Variants in CDKL5 observed in about 807,000 individuals in gnomAD.
CDKL5 encodes cyclin-dependent kinase-like 5.
In CDKL5, 8 loss-of-function variants were observed where a neutral mutation model predicts 61.7. That is an observed-to-expected ratio of 0.13 (90% CI 0.08 to 0.23). The LOEUF is 0.23. CDKL5 is among the 10% of genes least tolerant of loss of function. The pLI is 1.00. For missense variants in CDKL5, 440 were observed against 734.5 expected (o/e 0.60, Z 4.63); for synonymous variants, 275 against 272.3 (o/e 1.01, Z -0.10).
At position 18,629,055 on chromosome X, in the gene CDKL5, A is replaced by T. The variant is rs1056688065; in HGVS notation, c.*298A>T. The T allele has an allele frequency of 7.0e-6, 6 of 862,837 alleles. No homozygotes were observed. The Admixed American group carries it at 3.8e-4, about 54-fold the overall frequency. The allele number at this position is 862,837 out of a possible 1,213,427, so 71.1% of individuals were successfully genotyped here. A position where few individuals can be genotyped will look rare whatever the true frequency, so the allele number is the denominator to read the frequency against. ...AAATTCTTGCCAGTTTCTCCCCTTT[A>T]CATTCCAGCTTTAGTGCAATCTCTG... is the stretch of plus-strand genomic sequence containing the variant. On this transcript the variant is annotated 3_prime_UTR_variant, in exon 18 of 18. Coordinates refer to ENST00000623535, the MANE Select transcript of CDKL5 (RefSeq NM_001323289.2).
At position 18,650,493 on chromosome X, in the gene CDKL5, C is replaced by G. The variant is rs1064794669; in HGVS notation, c.2881C>G (p.Pro961Ala). The change falls in exon 21 of 22, where the codon CCT (proline) becomes GCT (alanine). Residue 961 changes from proline to alanine, a missense_variant. Transcript: ENST00000379989. ...AGCCCTTCATCGTCCAATCTCCAGT[C>G]CTGCTCCCTATCCAGTACTCCAGGT... The G allele has an allele frequency of 8.3e-7, 1 of 1,210,256 alleles. No individual in the cohort carries two copies. The highest frequency in any genetic ancestry group is 1.7e-5 in the African/African-American group (1 of 57,314).
chrX:18,648,116 C>T (rs752023192), intron 20 of CDKL5, among the ~76,000 whole-genome samples: 3 of 111,139 alleles, frequency 2.7e-5, no homozygotes, highest in South Asian at 3.9e-4. Flanking sequence ...GCAGGAGAAT[C>T]GCTTGAACCC....
At chrX:18,527,432 G>A (rs1346210766) in intron 3 of CDKL5, among the ~76,000 whole-genome samples, 2 of 111,647 alleles carry the variant, frequency 1.8e-5, no homozygotes, top group Non-Finnish European at 3.8e-5. Flanking sequence ...GGCCTATTCA[G>A]ATTATTATTT....
chrX:18,554,168 A>G (rs1393220314), intron 3 of CDKL5, among the ~76,000 whole-genome samples: 10 of 106,946 alleles, frequency 9.4e-5, no homozygotes, highest in African/African-American at 3.4e-4. Context: ...TGTACCCATT[A>G]ACTCGTCATT....
chrX:18,644,684 C>T (rs993922120), downstream of CDKL5: 14 of 1,132,553 alleles, frequency 1.2e-5, no homozygotes, highest in East Asian at 3.0e-5. Context: ...GCAAAAAGCC[C>T]GCAGGTGCTG....
rs985682007 is a variant in CDKL5 at position 18,630,747 on chromosome X, G to T, written c.*1990G>T. ...CTGGGTACTATTACTGAAAAAATTTGACTCAAACCAATAGTTTTGCATGCT... is the reference window on the plus strand; with the variant it reads ...CTGGGTACTATTACTGAAAAAATTTTACTCAAACCAATAGTTTTGCATGCT... On this transcript the variant is annotated 3_prime_UTR_variant, in exon 18 of 18. Coordinates refer to ENST00000623535, the MANE Select transcript of CDKL5 (RefSeq NM_001323289.2). The T allele has an allele frequency of 8.0e-6, 6 of 746,769 alleles. No homozygotes were observed. The African/African-American group carries it at 1.4e-4, about 18-fold the overall frequency. The allele number at this position is 746,769 out of a possible 1,213,427, so 61.5% of individuals were successfully genotyped here. A position where few individuals can be genotyped will look rare whatever the true frequency, so the allele number is the denominator to read the frequency against.
intron 15 of CDKL5, among the ~76,000 whole-genome samples, chrX:18,618,053 C>T (rs1202573319): frequency 8.9e-6 from 1 of 112,466 alleles, no homozygotes; most frequent in Admixed American, 9.4e-5. Flanking sequence ...ATCCTACTTC[C>T]TCCTAGGACT....
chrX:18,607,163 G>C (rs940468510), intron 12 of CDKL5, among the ~76,000 whole-genome samples: 1 of 111,456 alleles, frequency 9.0e-6, no homozygotes, highest in Non-Finnish European at 1.9e-5. Context: ...TTGCGGACAT[G>C]TTGAATTTGA....
chrX:18,647,366 A>C (rs373771930), intron 20 of CDKL5: 7 of 1,195,922 alleles, frequency 5.9e-6, no homozygotes, highest in Non-Finnish European at 7.9e-6. Context: ...ATTCACACAT[A>C]TCTCAATACT....
chrX:18,608,537 T>C, intron 12 of CDKL5, among the ~76,000 whole-genome samples: 1 of 111,376 alleles, frequency 9.0e-6, no homozygotes, highest in Non-Finnish European at 1.9e-5. Flanking sequence ...AATGGTAATT[T>C]TTTTTGTTTT....
intron 3 of CDKL5, among the ~76,000 whole-genome samples, chrX:18,540,983 G>A (rs745389793): frequency 8.9e-6 from 1 of 112,008 alleles, no homozygotes; most frequent in South Asian, 3.7e-4. Context: ...TACCACGCCC[G>A]GCCGACAGTT....
chrX:18,449,501 T>G (rs1183856040), intron 1 of CDKL5, among the ~76,000 whole-genome samples: 5 of 111,493 alleles, frequency 4.5e-5, no homozygotes, highest in Non-Finnish European at 7.5e-5. Flanking sequence ...CCTTCCCCCC[T>G]GCCGCCCCCC....
chrX:18,623,833 C>CTTT (rs375044523), intron 16 of CDKL5: 12 of 595,558 alleles, frequency 2.0e-5, no homozygotes, highest in African/African-American at 5.3e-5. Flanking sequence ...AATAAGAGCA[C>CTTT]TTTTTTTTTT....
intron 3 of CDKL5, among the ~76,000 whole-genome samples, chrX:18,532,007 G>A (rs1208600501): frequency 8.9e-6 from 1 of 112,176 alleles, no homozygotes; most frequent in Non-Finnish European, 1.9e-5. Flanking sequence ...CGCCCGGCCA[G>A]GGTTTTTTCT....
At chrX:18,619,827 G>T (rs1291448922) in intron 15 of CDKL5, 40 bp from the exon 16 acceptor site, 2 of 907,680 alleles carry the variant, frequency 2.2e-6, no homozygotes, top group African/African-American at 1.9e-5. Context: ...GCAAGAAAAT[G>T]ATTGAAAAAT....
At chrX:18,485,034 T>C (rs1247050857) in intron 1 of CDKL5, among the ~76,000 whole-genome samples, 1 of 110,676 alleles carries the variant, frequency 9.0e-6, no homozygotes, top group Non-Finnish European at 1.9e-5. Flanking sequence ...TTGCTCCATC[T>C]CTATTCCCAG....
intron 3 of CDKL5, among the ~76,000 whole-genome samples, chrX:18,540,463 C>G (rs952715846): frequency 9.0e-6 from 1 of 111,424 alleles, no homozygotes; most frequent in Non-Finnish European, 1.9e-5. Context: ...AGGAGTGAAC[C>G]ACCACGCCTG....
chrX:18,510,048 T>A (rs1171913004), intron 2 of CDKL5, among the ~76,000 whole-genome samples: 1 of 110,081 alleles, frequency 9.1e-6, no homozygotes, highest in African/African-American at 3.3e-5. Context: ...GGCATTTCAG[T>A]ATCCTAGAGG....
At chrX:18,563,992 T>C (rs1924880781) in intron 3 of CDKL5, among the ~76,000 whole-genome samples, 1 of 112,033 alleles carries the variant, frequency 8.9e-6, no homozygotes, top group South Asian at 3.7e-4. Context: ...TATCTCACTT[T>C]GGATTTGCAG....
Sources: allele counts gnomAD v4.1 joint callset (sites outside exome capture counted in the v4.1 genomes callset), GRCh38; gene constraint gnomAD v4.1.1; transcripts MANE v1.5; gene names NCBI Gene and HGNC (gene_info 2026-07-23, HGNC 2026-07-21).